Variants in ARHGEF12 observed in about 807,000 individuals in gnomAD.
ARHGEF12 encodes the protein Rho guanine nucleotide exchange factor 12.
Under a neutral mutation model 211.2 loss-of-function variants are expected in ARHGEF12, and 66 were observed. The observed-to-expected ratio is 0.31, with a 90% confidence interval of 0.26 to 0.38. The LOEUF (loss-of-function observed/expected upper bound fraction) is 0.38. ARHGEF12 is among the 10% of genes least tolerant of loss of function. ARHGEF12 has a pLI of 1.00. For missense variants in ARHGEF12, 1,429 were observed against 1,869.5 expected, an observed-to-expected ratio of 0.76 and a Z score of 4.34; for synonymous variants, 592 against 638.4, an observed-to-expected ratio of 0.93 and a Z score of 1.09.
intron 1 of ARHGEF12, among the ~76,000 whole-genome samples, chr11:120,355,668 G>A (rs1325448874): frequency 6.6e-6 from 1 of 152,132 alleles, no homozygotes; most frequent in Non-Finnish European, 1.5e-5. Context: ...GATTGTGTCA[G>A]TCTACTTCAG....
chr11:120,454,098 C>T (rs1946289946), intron 22 of ARHGEF12, among the ~76,000 whole-genome samples: 1 of 152,136 alleles, frequency 6.6e-6, no homozygotes, highest in Admixed American at 6.5e-5. Context: ...GAGTCCAAAG[C>T]CTGACACTAG....
intron 1 of ARHGEF12, among the ~76,000 whole-genome samples, chr11:120,341,714 A>G (rs10502235): frequency 0.19 from 28,815 of 152,104 alleles, 2,874 homozygotes; most frequent in South Asian, 0.24. Context: ...CTAGAAATTG[A>G]CCATGACACA....
At chr11:120,482,407 A>C (rs566119535) in intron 39 of ARHGEF12, among the ~76,000 whole-genome samples, 19 of 152,276 alleles carry the variant, frequency 1.2e-4, no homozygotes, top group Non-Finnish European at 2.4e-4. Context: ...CACTATTGCA[A>C]AACTGACTTG....
Position 120,480,336 on chromosome 11 carries a change from T to C in ARHGEF12, c.4143T>C (p.Phe1381=), listed in dbSNP as rs878928425. The C allele has an allele frequency of 2.5e-6, 4 of 1,614,160 alleles. No individual in the cohort carries two copies. The highest frequency in any genetic ancestry group is 2.5e-6 in the Non-Finnish European group (3 of 1,180,032). Residue 1381 remains phenylalanine (F), a synonymous_variant, in exon 38 of 41, where the codon TTT becomes TTC. Coordinates refer to ENST00000397843, the MANE Select transcript of ARHGEF12 (RefSeq NM_015313.3). ...GTCTTGATGACAGTGGAGAGCACTT[T>C]TTTGATGCCCGTGAAGCACATAGTG... The part of the protein sequence containing the change: ...EGGLDDSGEH[F]FDAREAHSDE...
intron 1 of ARHGEF12, among the ~76,000 whole-genome samples, chr11:120,398,623 G>A (rs915366542): frequency 6.6e-6 from 1 of 152,066 alleles, no homozygotes; most frequent in African/African-American, 2.4e-5. Flanking sequence ...TCTGATTGAG[G>A]AATTCGTAAT....
intron 1 of ARHGEF12, among the ~76,000 whole-genome samples, chr11:120,362,876 G>A (rs1016298015): frequency 6.6e-5 from 10 of 152,084 alleles, no homozygotes; most frequent in Non-Finnish European, 1.0e-4. Context: ...CGAGGCGGGC[G>A]GATCATGAGG....
intron 1 of ARHGEF12, among the ~76,000 whole-genome samples, chr11:120,389,172 TA>T (rs1266812228): frequency 6.6e-6 from 1 of 152,128 alleles, no homozygotes; most frequent in Admixed American, 6.6e-5. Context: ...TGCCCGGCCA[TA>T]AGTCCTTTTA....
At chr11:120,467,045 A>G (rs1478593076) in intron 28 of ARHGEF12, 149 bp from the exon 29 acceptor site, 5 of 567,504 alleles carry the variant, frequency 8.8e-6, no homozygotes, top group South Asian at 2.4e-5. Context: ...AAGCAGAAGT[A>G]TATTGTGGCA....
chr11:120,477,601 A>C, intron 36 of ARHGEF12, 75 bp downstream of exon 36: 95 of 1,394,820 alleles, frequency 6.8e-5, no homozygotes, highest in Non-Finnish European at 8.1e-5. Context: ...GTGGTGGCTC[A>C]TGCCTGTAAT....
rs138484283 is a variant in ARHGEF12 at position 120,388,388 on chromosome 11, G to C, written c.33-17730G>C. Among the ~76,000 whole-genome samples, 1,409 of 152,246 alleles carry C rather than the reference G, an allele frequency of 9.3e-3. 10 individuals carry two copies. The highest frequency in any genetic ancestry group is 0.016 in the Non-Finnish European group (1,060 of 68,012). On this transcript the variant is annotated intron_variant, in intron 1 of 40. Coordinates refer to ENST00000397843, the MANE Select transcript of ARHGEF12 (RefSeq NM_015313.3). The stretch of plus-strand genomic sequence containing the variant: ...TCAGCTGTTGATGGGCATTTGGGTT[G>C]TTTCAAGTTTTAGACTATTAGGAAT...
chr11:120,399,911 ATAT>A (rs36076568), intron 1 of ARHGEF12, among the ~76,000 whole-genome samples: 29,084 of 152,002 alleles, frequency 0.19, 2,923 homozygotes, highest in East Asian at 0.23. Context: ...AAAAAGTAAA[ATAT>A]TATTAGACAG....
chr11:120,429,153 A>G (rs1375678168), intron 8 of ARHGEF12, among the ~76,000 whole-genome samples: 2 of 152,186 alleles, frequency 1.3e-5, no homozygotes, highest in East Asian at 3.8e-4. Context: ...GAGGGAAAGT[A>G]AAAGATACTA....
intron 5 of ARHGEF12, among the ~76,000 whole-genome samples, chr11:120,421,520 C>G (rs1945191187): frequency 6.7e-6 from 1 of 149,074 alleles, no homozygotes. Flanking sequence ...TCACTGCAAC[C>G]TCTGCCTCCT....
At chr11:120,437,181 C>T (rs1269844718) in intron 11 of ARHGEF12, 127 bp from the exon 12 acceptor site, 20 of 566,180 alleles carry the variant, frequency 3.5e-5, no homozygotes, top group Non-Finnish European at 4.4e-5. Context: ...AAGCATTTTA[C>T]GAAAGATATT....
intron 6 of ARHGEF12, among the ~76,000 whole-genome samples, chr11:120,423,245 A>G (rs1945249272): frequency 6.6e-6 from 1 of 152,176 alleles, no homozygotes; most frequent in African/African-American, 2.4e-5. Context: ...GATTGGTAAT[A>G]CACATTTAGT....
At chr11:120,407,653 T>G (rs1176049112) in intron 2 of ARHGEF12, 85 bp from the exon 3 acceptor site, 1 of 993,820 alleles carries the variant, frequency 1.0e-6, no homozygotes, top group Non-Finnish European at 1.5e-6. Flanking sequence ...CTGGTTTTTC[T>G]TGTAAGATCC....
At chr11:120,409,511 C>G in intron 4 of ARHGEF12, 61 bp downstream of exon 4, 2 of 1,527,392 alleles carry the variant, frequency 1.3e-6, no homozygotes, top group Non-Finnish European at 1.8e-6. Context: ...TGTTCCTTTT[C>G]TGTTCTTTTT....
At position 120,449,127 on chromosome 11, in the gene ARHGEF12, A is replaced by G; in HGVS notation, c.1756A>G (p.Lys586Glu). 6.2e-7 allele frequency: 1 copy of G among 1,614,076 alleles called. No homozygotes were observed. Among genetic ancestry groups the G allele is most frequent in the Non-Finnish European group, 8.5e-7 (1 of 1,179,972 alleles). Residue 586 changes from lysine to glutamate, a missense_variant, in exon 21 of 41, where the codon AAA (lysine) becomes GAA (glutamate). Lys to Glu is a moderately conservative substitution (Grantham distance 56, BLOSUM62 1). This residue lies in a region of ARHGEF12 where 373 missense variants were observed against 467.5 expected (regional missense o/e 0.80). Coordinates refer to ENST00000397843, the MANE Select transcript of ARHGEF12 (RefSeq NM_015313.3). ...PKIKQSMKKDKEGEEKGKRRG... is the reference protein window; with the variant it reads ...PKIKQSMKKDEEGEEKGKRRG... ...ACTCTAGCAAAGTATGAAGAAAGAT[A>G]AAGAAGGGGAAGAAAAAGGGAAGCG...
chr11:120,389,336 T>A (rs998575929), intron 1 of ARHGEF12, among the ~76,000 whole-genome samples: 5 of 152,246 alleles, frequency 3.3e-5, no homozygotes, highest in African/African-American at 9.6e-5. Context: ...TCATTTTTTC[T>A]TTCGTAGATT....
Sources: gnomAD v4.1 joint callset for allele counts (sites outside exome capture counted in the v4.1 genomes callset) on GRCh38, gnomAD v4.1.1 for gene constraint, gnomAD v4.1.1 regional missense constraint, MANE v1.5 for transcripts, NCBI Gene and HGNC (gene_info 2026-07-23, HGNC 2026-07-21) for gene names.